ERCC6L2: variants seen among roughly 807,000 people sequenced by gnomAD.
The protein encoded by ERCC6L2 is DNA excision repair protein ERCC-6-like 2.
In ERCC6L2, 77 loss-of-function variants were observed where a neutral mutation model predicts 132.0. That is an observed-to-expected ratio of 0.58 (90% CI 0.49 to 0.71). The LOEUF (loss-of-function observed/expected upper bound fraction) is 0.71. Among genes scored for constraint, ERCC6L2 ranks in the 30% least tolerant of loss-of-function variants. The pLI, the probability that ERCC6L2 is intolerant of heterozygous loss-of-function variation, is 0.00. For synonymous variants in ERCC6L2, 583 were observed against 632.4 expected (o/e 0.92, Z 1.17); for missense variants, 1,542 against 1,837.6 (o/e 0.84, Z 2.94).
chr9:96,029,120 T>C (rs571911044), intron 19 of ERCC6L2, among the ~76,000 whole-genome samples: 226 of 151,850 alleles, frequency 1.5e-3, no homozygotes, highest in African/African-American at 4.6e-3. Flanking sequence ...CTGGCTAACA[T>C]GGTGAAACCC....
intron 9 of ERCC6L2, among the ~76,000 whole-genome samples, chr9:95,924,443 T>G (rs1336572369): frequency 6.6e-6 from 1 of 152,040 alleles, no homozygotes; most frequent in Non-Finnish European, 1.5e-5. Flanking sequence ...GTAGCAAATT[T>G]TTGTCATCCA....
intron 11 of ERCC6L2, among the ~76,000 whole-genome samples, chr9:95,938,310 GAAAA>G (rs925237342): frequency 4.6e-5 from 7 of 151,562 alleles, no homozygotes; most frequent in African/African-American, 1.5e-4. Flanking sequence ...TAGGAACCAG[GAAAA>G]AAAAGTGTGT....
At chr9:95,971,319 G>T (rs142045470) in intron 15 of ERCC6L2, among the ~76,000 whole-genome samples, 1 of 151,946 alleles carries the variant, frequency 6.6e-6, no homozygotes, top group East Asian at 1.9e-4. Context: ...AATACTTTCC[G>T]CAATATTTTA....
At chr9:95,995,241 T>C (rs974195547) in intron 17 of ERCC6L2, among the ~76,000 whole-genome samples, 1 of 152,234 alleles carries the variant, frequency 6.6e-6, no homozygotes, top group Admixed American at 6.5e-5. Flanking sequence ...TCAATAAATA[T>C]CATTTCAATG....
intron 17 of ERCC6L2, among the ~76,000 whole-genome samples, chr9:95,990,019 CAGTA>C (rs1293881900): frequency 6.6e-6 from 1 of 152,094 alleles, no homozygotes; most frequent in African/African-American, 2.4e-5. Flanking sequence ...CAACAGAGAG[CAGTA>C]AGGCACATAG....
Position 96,012,989 on chromosome 9 carries a change from A to G in ERCC6L2, c.4439A>G (p.Asp1480Gly). Residue 1480 changes from aspartate (D) to glycine (G), a missense_variant, in exon 19 of 19, where the codon GAC (aspartate) becomes GGC (glycine). By Grantham distance (94) the Asp-to-Gly change is moderately conservative. This residue lies in a region of ERCC6L2 where 442 missense variants were observed against 583.4 expected (regional missense o/e 0.76). Coordinates refer to ENST00000653738, the MANE Select transcript of ERCC6L2 (RefSeq NM_020207.7). ...KAKQRPKDFW[D>G]ILNEQNDESL... ...AAACAGAGACCAAAAGATTTCTGGGACATCTTGAATGAGCAGAATGATGAG... is the reference window on the plus strand; with the variant it reads ...AAACAGAGACCAAAAGATTTCTGGGGCATCTTGAATGAGCAGAATGATGAG... The G allele has an allele frequency of 7.3e-7, 1 of 1,367,530 alleles. No individual in the cohort carries two copies. The highest frequency in any genetic ancestry group is 9.8e-7 in the Non-Finnish European group (1 of 1,021,760). The allele number at this position is 1,367,530 out of a possible 1,614,324, so 84.7% of individuals were successfully genotyped here.
In ERCC6L2 at chr9:95,876,097, C is replaced by T. The variant is rs1167029926; in HGVS notation, c.46+13C>T. On this transcript the variant is annotated intron_variant, in intron 1 of 18. Transcript: ENST00000653738. ...ACCTCAGGCAAAGGTACCAGCTCCG[C>T]GCTCGCCCCTTACGCAGAGGCCTGT... 1.3e-6 allele frequency: 2 copies of T among 1,563,146 alleles called. No individual in the cohort carries two copies. The highest frequency in any genetic ancestry group is 1.7e-6 in the Non-Finnish European group (2 of 1,154,110).
intron 19 of ERCC6L2, among the ~76,000 whole-genome samples, chr9:96,027,241 GC>G (rs1305962699): frequency 3.3e-5 from 5 of 151,588 alleles, no homozygotes; most frequent in Non-Finnish European, 1.5e-5. Flanking sequence ...CACCTCTTGC[GC>G]CCCCCTCCCG....
chr9:95,972,201 A>G lies in ERCC6L2; in HGVS notation c.2450A>G (p.Asp817Gly), dbSNP rs772099393. 18 of 1,304,144 alleles carry G rather than the reference A, an allele frequency of 1.4e-5. No individual in the cohort carries two copies. The highest frequency in any genetic ancestry group is 1.1e-4 in the South Asian group (9 of 81,028). The allele number at this position is 1,304,144 out of a possible 1,614,324, so 80.8% of individuals were successfully genotyped here. Residue 817 changes from aspartate (D) to glycine (G), a missense_variant, in exon 16 of 19, where the codon GAT (aspartate) becomes GGT (glycine). Transcript: ENST00000653738. ...AGTGATGGAAATACTGCCTCTGATG[A>G]TGAAAGTTCTGATGAGCAGCCCACA... ...EDSDGNTASD[D>G]ESSDEQPTCL...
rs559152733 is a variant in ERCC6L2, at chr9:96,015,075, T to C, written c.*1872T>C. Among the ~76,000 whole-genome samples, 1 of 132,788 alleles carries C rather than the reference T, an allele frequency of 7.5e-6. No individual in the cohort carries two copies. Among genetic ancestry groups the C allele is most frequent in the African/African-American group, 3.0e-5 (1 of 33,708 alleles). The allele number at this position is 132,788 out of a possible 152,430, so 87.1% of individuals were successfully genotyped here. A position where few individuals can be genotyped will look rare whatever the true frequency, so the allele number is the denominator to read the frequency against. ...TCTCACTCTGTCACCCAGGCTGGAG[T>C]ACAGTGGCATGATCTTGGCTCACTG... On this transcript the variant is annotated 3_prime_UTR_variant, in exon 19 of 19. Coordinates refer to ENST00000653738, the MANE Select transcript of ERCC6L2 (RefSeq NM_020207.7).
At chr9:95,969,671 G>A (rs1257642618) in intron 14 of ERCC6L2, among the ~76,000 whole-genome samples, 4 of 152,192 alleles carry the variant, frequency 2.6e-5, no homozygotes, top group Non-Finnish European at 5.9e-5. Flanking sequence ...GGTAGCCTGG[G>A]AATGAGGCTT....
At position 95,965,058 on chromosome 9, in the gene ERCC6L2, C is replaced by T. The variant is rs111945075; in HGVS notation, c.1948-1504C>T. ...ACTTGTATCAATTGTTATTGTAATT[C>T]TGTACTCCCAGGATTACAGCCCATG... On this transcript the variant is annotated intron_variant, in intron 13 of 18. Transcript: ENST00000653738. Among the ~76,000 whole-genome samples the T allele has an allele frequency of 7.6e-3, 1,153 of 152,230 alleles. 23 individuals are homozygous for T. The highest frequency in any genetic ancestry group is 0.027 in the African/African-American group (1,120 of 41,524).
intron 2 of ERCC6L2, among the ~76,000 whole-genome samples, chr9:95,886,092 T>C (rs1827851447): frequency 6.6e-6 from 1 of 152,184 alleles, no homozygotes; most frequent in Admixed American, 6.6e-5. Flanking sequence ...CTCGGCTCAC[T>C]GCAAAGTCCA....
intron 18 of ERCC6L2, among the ~76,000 whole-genome samples, chr9:96,009,216 A>C (rs1833953325): frequency 6.6e-6 from 1 of 152,222 alleles, no homozygotes; most frequent in Non-Finnish European, 1.5e-5. Context: ...GAGCGATGAC[A>C]GACTCGTCAG....
At position 96,012,377 on chromosome 9, in the gene ERCC6L2, A is replaced by C; in HGVS notation, c.3827A>C (p.Asp1276Ala). 1 of 1,362,366 alleles carries C rather than the reference A, an allele frequency of 7.3e-7. No individual in the cohort carries two copies. The highest frequency in any genetic ancestry group is 9.8e-7 in the Non-Finnish European group (1 of 1,017,918). The allele number at this position is 1,362,366 out of a possible 1,614,324, so 84.4% of individuals were successfully genotyped here. A position where few individuals can be genotyped will look rare whatever the true frequency, so the allele number is the denominator to read the frequency against. Reference protein sequence around the residue: ...QYPEVKEFFVDSVSQFNNSSF... With the variant: ...QYPEVKEFFVASVSQFNNSSF... ...CCAGAGGTAAAAGAATTTTTTGTGG[A>C]TTCTGTGTCACAATTCAACAATTCT... Residue 1276 changes from aspartate (D) to alanine (A), a missense_variant, in exon 19 of 19, where the codon GAT (aspartate) becomes GCT (alanine). This residue lies in a region of ERCC6L2 where 442 missense variants were observed against 583.4 expected (regional missense o/e 0.76). Coordinates refer to ENST00000653738, the MANE Select transcript of ERCC6L2 (RefSeq NM_020207.7).
intron 8 of ERCC6L2, 104 bp downstream of exon 8, chr9:95,922,522 G>A (rs1829918566): frequency 4.4e-6 from 3 of 688,318 alleles, no homozygotes; most frequent in Non-Finnish European, 7.3e-6. Context: ...AAATTTAAGA[G>A]GAAACTGATT....
chr9:95,986,223 A>C (rs1281498823), intron 17 of ERCC6L2, among the ~76,000 whole-genome samples: 2 of 152,238 alleles, frequency 1.3e-5, no homozygotes, highest in African/African-American at 4.8e-5. Context: ...AGGCAATAGA[A>C]TAACCATCAA....
At chr9:96,026,116 T>A (rs1176752021) in intron 19 of ERCC6L2, 2 of 152,304 alleles carry the variant, frequency 1.3e-5, no homozygotes, top group Non-Finnish European at 2.9e-5. Flanking sequence ...CCCAGAGAGC[T>A]GGACTCAAAT....
intron 12 of ERCC6L2, among the ~76,000 whole-genome samples, 197 bp from the exon 13 acceptor site, chr9:95,955,717 A>G (rs112872240): frequency 6.7e-4 from 102 of 152,184 alleles, no homozygotes; most frequent in Non-Finnish European, 1.0e-3. Flanking sequence ...TTTCTGTAAT[A>G]TTTTTTCTCC....
Sources: gnomAD v4.1 joint callset for allele counts (sites outside exome capture counted in the v4.1 genomes callset) on GRCh38, gnomAD v4.1.1 for gene constraint, gnomAD v4.1.1 regional missense constraint, MANE v1.5 for transcripts, NCBI Gene and HGNC (gene_info 2026-07-23, HGNC 2026-07-21) for gene names.